The following PLA2R1 variants were observed in gnomAD, a reference collection of about 807,000 sequenced individuals.
PLA2R1 encodes phospholipase A2 receptor 1, also known as secretory phospholipase A2 receptor.
Under a neutral mutation model 195.9 loss-of-function variants are expected in PLA2R1, and 158 were observed. That is an observed-to-expected ratio of 0.81 (90% confidence interval 0.71 to 0.92). The LOEUF (loss-of-function observed/expected upper bound fraction) is 0.92, where lower values mean the gene tolerates loss of function less well. Ranked by LOEUF, PLA2R1 falls within the 40% of genes least tolerant of loss-of-function variation. The pLI, the probability that PLA2R1 is intolerant of heterozygous loss-of-function variation, is 0.00. For synonymous variants in PLA2R1, 586 were observed against 598.2 expected (o/e 0.98, Z 0.30); for missense variants, 1,626 against 1,764.6 (o/e 0.92, Z 1.41).
intron 14 of PLA2R1, among the ~76,000 whole-genome samples, chr2:159,978,312 C>T (rs779856133): frequency 2.0e-5 from 3 of 151,984 alleles, no homozygotes; most frequent in Non-Finnish European, 4.4e-5. Flanking sequence ...AATGGATGTA[C>T]CACAAGTAAA....
chr2:160,013,669 CTCTCTT>C (rs1286047493), intron 9 of PLA2R1, among the ~76,000 whole-genome samples: 138 of 82,228 alleles, frequency 1.7e-3, no homozygotes, highest in Middle Eastern at 4.4e-3. Context: ...ATCTCTACCT[CTCTCTT>C]TCTCTCTCTC....
At chr2:160,047,922 C>T (rs1694974790) in intron 1 of PLA2R1, among the ~76,000 whole-genome samples, 1 of 152,202 alleles carries the variant, frequency 6.6e-6, no homozygotes, top group Non-Finnish European at 1.5e-5. Context: ...GCCTCCCAGG[C>T]TCAACTGATC....
chr2:160,029,849 G>A (rs984260697), intron 4 of PLA2R1, among the ~76,000 whole-genome samples: 7 of 152,126 alleles, frequency 4.6e-5, no homozygotes, highest in Admixed American at 1.3e-4. Context: ...CCATTTACTC[G>A]TTTAATCTAT....
intron 11 of PLA2R1, among the ~76,000 whole-genome samples, chr2:159,987,930 G>C (rs896959913): frequency 4.6e-5 from 7 of 152,166 alleles, no homozygotes; most frequent in African/African-American, 1.7e-4. Flanking sequence ...ATTAGAGAGA[G>C]AGAGGGGCTT....
At chr2:159,946,246 G>A (rs1174769723) in intron 27 of PLA2R1, 9 of 982,612 alleles carry the variant, frequency 9.2e-6, no homozygotes, top group Non-Finnish European at 1.1e-5. Context: ...GAAAGGGTAG[G>A]CTCACCCCCA....
intron 6 of PLA2R1, among the ~76,000 whole-genome samples, chr2:160,023,206 T>A (rs1693257653): frequency 6.6e-6 from 1 of 152,088 alleles, no homozygotes; most frequent in African/African-American, 2.4e-5. Context: ...AGGAGCTGGG[T>A]AAAATAAGGC....
intron 24 of PLA2R1, among the ~76,000 whole-genome samples, chr2:159,950,229 T>C (rs1244353072): frequency 1.3e-5 from 2 of 152,186 alleles, no homozygotes; most frequent in African/African-American, 4.8e-5. Flanking sequence ...CTGTACTACA[T>C]GATGCAATAA....
Position 159,936,966 on chromosome 2 carries a change from G to A in PLA2R1, c.*4812C>T, listed in dbSNP as rs1686864727. On this transcript the variant is annotated 3_prime_UTR_variant, in exon 30 of 30. Transcript: ENST00000283243. ...AAATAAGTAGATGGGAATAAAAGGA[G>A]GTTTGTTATAACAATATCCCTCTAT... is the stretch of plus-strand genomic sequence containing the variant. The A allele has an allele frequency of 6.6e-6, 1 of 152,158 alleles. No individual in the cohort carries two copies. Among genetic ancestry groups the A allele is most frequent in the Non-Finnish European group, 1.5e-5 (1 of 68,030 alleles). 9.4% of individuals were successfully genotyped at this position (152,158 alleles called of 1,614,324 possible). A position where few individuals can be genotyped will look rare whatever the true frequency, so the allele number is the denominator to read the frequency against.
chr2:159,940,616 T>C lies in PLA2R1; in HGVS notation c.*1162A>G, dbSNP rs752119187. On this transcript the variant is annotated 3_prime_UTR_variant, in exon 30 of 30. Coordinates refer to ENST00000283243, the MANE Select transcript of PLA2R1 (RefSeq NM_007366.5). ...TATGTAATGAGTAAATTTTTAGATA[T>C]TGATTATGAAGCTGTTTTCTTTATA... The C allele has an allele frequency of 1.3e-5, 2 of 152,188 alleles. No homozygotes were observed. The highest frequency in any genetic ancestry group is 6.5e-5 in the Admixed American group (1 of 15,276). 9.4% of individuals were successfully genotyped at this position (152,188 alleles called of 1,614,324 possible). A position where few individuals can be genotyped will look rare whatever the true frequency, so the allele number is the denominator to read the frequency against.
At chr2:160,001,144 C>T (rs1353479499) in intron 11 of PLA2R1, among the ~76,000 whole-genome samples, 2 of 151,996 alleles carry the variant, frequency 1.3e-5, no homozygotes, top group Admixed American at 1.3e-4. Flanking sequence ...AAGATAACAA[C>T]AACAAAATCA....
intron 3 of PLA2R1, among the ~76,000 whole-genome samples, chr2:160,036,793 T>G (rs1443481853): frequency 6.6e-6 from 1 of 152,212 alleles, no homozygotes; most frequent in Non-Finnish European, 1.5e-5. Flanking sequence ...GAAAAGCCTT[T>G]GTTGTTGTTT....
In PLA2R1 at chr2:160,020,172, A is replaced by G. The variant is rs1219505894; in HGVS notation, c.1386T>C (p.Asn462=). Reference sequence around the variant, plus strand: ...AAATGTGGGGCTCAAGTGTGTGCCAATTAGTAAAGATGACTGAAGAGTCAT... The same window carrying G: ...AAATGTGGGGCTCAAGTGTGTGCCAGTTAGTAAAGATGACTGAAGAGTCAT... ...WSNDSSVIFT[N]WHTLEPHIFP... Residue 462 remains asparagine (N), a synonymous_variant, in exon 8 of 30, where the codon AAT becomes AAC. Coordinates refer to ENST00000283243, the MANE Select transcript of PLA2R1 (RefSeq NM_007366.5). 2.5e-6 allele frequency: 4 copies of G among 1,613,398 alleles called. No homozygotes were observed. Among genetic ancestry groups the G allele is most frequent in the Non-Finnish European group, 3.4e-6 (4 of 1,179,452 alleles).
chr2:159,990,983 T>A (rs1282817801), intron 11 of PLA2R1, among the ~76,000 whole-genome samples: 1 of 152,100 alleles, frequency 6.6e-6, no homozygotes, highest in Non-Finnish European at 1.5e-5. Context: ...GATGGAAAAA[T>A]TAGGGCACAG....
At position 159,938,584 on chromosome 2, in the gene PLA2R1, G is replaced by A. The variant is rs577049781; in HGVS notation, c.*3194C>T. ...AGACAGCACCAGGGACAGCCAGAAT[G>A]AGGCCAAATCAAAGAGAACAGACTA... On this transcript the variant is annotated 3_prime_UTR_variant, in exon 30 of 30. Transcript: ENST00000283243. 4 of 152,584 alleles carry A rather than the reference G, an allele frequency of 2.6e-5. No individual in the cohort carries two copies. The South Asian group carries it at 8.3e-4, about 32-fold the overall frequency. The allele number at this position is 152,584 out of a possible 1,614,324, so 9.5% of individuals were successfully genotyped here. A position where few individuals can be genotyped will look rare whatever the true frequency, so the allele number is the denominator to read the frequency against.
intron 4 of PLA2R1, 129 bp downstream of exon 4, chr2:160,032,830 T>C: frequency 1.3e-6 from 1 of 743,080 alleles, no homozygotes; most frequent in South Asian, 1.9e-5. Context: ...GTGAGAGTTT[T>C]GGGCCATATT....
intron 1 of PLA2R1, among the ~76,000 whole-genome samples, chr2:160,054,159 G>C (rs1408066085): frequency 6.6e-6 from 1 of 152,210 alleles, no homozygotes; most frequent in Admixed American, 6.5e-5. Flanking sequence ...TGCTGGGGCT[G>C]GGTGTGTAGT....
Position 159,956,523 on chromosome 2 carries a change from A to G in PLA2R1, c.3009T>C (p.Ser1003=), listed in dbSNP as rs938318467. ...TGAGTACTCTACCTTGCTCCACCTC[A>G]CTTTCAATGGCGACCAGGGTCCCCC... ...EEGGTLVAIE[S]EVEQAFITMN... The change falls in exon 21 of 30, where the codon AGT becomes AGC. Residue 1003 remains serine (S), a synonymous_variant. Transcript: ENST00000283243. 6 of 1,603,330 alleles carry G rather than the reference A, an allele frequency of 3.7e-6. No homozygotes were observed. Among genetic ancestry groups the G allele is most frequent in the Non-Finnish European group, 5.1e-6 (6 of 1,170,114 alleles).
chr2:160,009,661 C>G (rs1013352503), intron 10 of PLA2R1, among the ~76,000 whole-genome samples: 8 of 151,900 alleles, frequency 5.3e-5, no homozygotes, highest in African/African-American at 1.7e-4. Context: ...GAACTGCACA[C>G]TGAAAAATGA....
chr2:160,019,542 C>T (rs1179667134), intron 8 of PLA2R1, among the ~76,000 whole-genome samples: 1 of 152,228 alleles, frequency 6.6e-6, no homozygotes, highest in African/African-American at 2.4e-5. Flanking sequence ...TATTCCTCTC[C>T]TAACCATTCT....
Sources: gnomAD v4.1 joint callset for allele counts (sites outside exome capture counted in the v4.1 genomes callset) on GRCh38, gnomAD v4.1.1 for gene constraint, MANE v1.5 for transcripts, NCBI Gene and HGNC (gene_info 2026-07-23, HGNC 2026-07-21) for gene names.